Variants in OIP5 observed in about 807,000 individuals in gnomAD.
OIP5 encodes protein Mis18-beta.
A neutral mutation model predicts 20.3 loss-of-function variants in OIP5; 24 were observed. The ratio of observed to expected loss-of-function variants is 1.18; its 90% CI spans 0.86 to 1.66. The LOEUF is 1.66. OIP5 is among the 40% of genes most tolerant of loss of function. The pLI, the probability that OIP5 is intolerant of heterozygous loss-of-function variation, is 0.00. For synonymous variants in OIP5, 143 were observed against 121.3 expected (o/e 1.18, Z -1.17); for missense variants, 339 against 289.5 (o/e 1.17, Z -1.24).
rs545947221 is a variant in OIP5, at chr15:41,321,990, GA to G, written c.390-2211del. Among the ~76,000 whole-genome samples the G allele has an allele frequency of 3.0e-3, 456 of 151,640 alleles. 1 individual carries two copies. Among genetic ancestry groups the G allele is most frequent in the Admixed American group, 6.6e-3 (100 of 15,206 alleles). Reference sequence around the variant, plus strand: ...CGCAGACTAAAAGAGAAAGAAAAGGGAATCCTATTACCCTAGCAAGCCATCT... The same window carrying G: ...CGCAGACTAAAAGAGAAAGAAAAGGGATCCTATTACCCTAGCAAGCCATCT... On this transcript the variant is annotated intron_variant, in intron 2 of 4. Coordinates refer to ENST00000220514, the MANE Select transcript of OIP5 (RefSeq NM_007280.2).
intron 3 of OIP5, among the ~76,000 whole-genome samples, chr15:41,316,472 A>C (rs1348533713): frequency 1.3e-5 from 2 of 152,110 alleles, no homozygotes; most frequent in African/African-American, 2.4e-5. Context: ...AACTCAGCTA[A>C]AAACATCTAT....
At chr15:41,321,910 G>A (rs2140463388) in intron 2 of OIP5, among the ~76,000 whole-genome samples, 1 of 142,812 alleles carries the variant, frequency 7.0e-6, no homozygotes, top group Non-Finnish European at 1.5e-5. Flanking sequence ...AAACACCCAA[G>A]AATGATCAAT....
At position 41,309,769 on chromosome 15, in the gene OIP5, G is replaced by C; in HGVS notation, c.675C>G (p.Ser225=). 1 of 1,613,002 alleles carries C rather than the reference G, an allele frequency of 6.2e-7. No individual in the cohort carries two copies. ...TGGTACAGGATCAGTTTTCTGGCTTGGACTGGTCAGGAGTCACTTCACTCA... is the reference window on the plus strand; with the variant it reads ...TGGTACAGGATCAGTTTTCTGGCTTCGACTGGTCAGGAGTCACTTCACTCA... ...KILSEVTPDQ[S]KPEN Residue 225 remains serine, a synonymous_variant, in exon 5 of 5, where the codon TCC becomes TCG. Coordinates refer to ENST00000220514, the MANE Select transcript of OIP5 (RefSeq NM_007280.2).
chr15:41,321,240 G>C (rs1323907374), intron 2 of OIP5, among the ~76,000 whole-genome samples: 1 of 147,620 alleles, frequency 6.8e-6, no homozygotes, highest in Non-Finnish European at 1.5e-5. Context: ...GCCCCGTCCG[G>C]GAGGGAGGTG....
intron 4 of OIP5, among the ~76,000 whole-genome samples, chr15:41,310,122 AAGTGCTGGAATTAC>A (rs1326653507): frequency 1.3e-5 from 2 of 152,100 alleles, no homozygotes; most frequent in Non-Finnish European, 2.9e-5. Context: ...GATCCTCCCA[AAGTGCTGGAATTAC>A]AGACATGAGC....
intron 2 of OIP5, among the ~76,000 whole-genome samples, chr15:41,328,960 G>A (rs895393464): frequency 2.0e-5 from 3 of 150,842 alleles, no homozygotes; most frequent in Non-Finnish European, 4.4e-5. Context: ...CAGCTACTCG[G>A]GAGGCTGAGG....
At chr15:41,319,091 GAC>G (rs2047806048) in intron 3 of OIP5, among the ~76,000 whole-genome samples, 2 of 147,366 alleles carry the variant, frequency 1.4e-5, no homozygotes, top group African/African-American at 5.0e-5. Context: ...TTTTTTTTGA[GAC>G]AGAGTCTTGT....
chr15:41,327,289 C>T (rs973717996), intron 2 of OIP5, among the ~76,000 whole-genome samples: 1 of 151,692 alleles, frequency 6.6e-6, no homozygotes, highest in African/African-American at 2.4e-5. Flanking sequence ...TCAAGCGATT[C>T]TCCTGCCTCA....
intron 4 of OIP5, among the ~76,000 whole-genome samples, chr15:41,310,555 G>A (rs1056068233): frequency 6.6e-6 from 1 of 151,938 alleles, no homozygotes; most frequent in Admixed American, 6.6e-5. Flanking sequence ...AGTGAACCCA[G>A]GAGGCAGAGC....
chr15:41,314,556 C>CT (rs2047778385), intron 3 of OIP5, among the ~76,000 whole-genome samples: 1 of 151,776 alleles, frequency 6.6e-6, no homozygotes, highest in South Asian at 2.1e-4. Context: ...AATCCCAGCA[C>CT]TTTGGGAGGC....
chr15:41,313,689 G>A (rs1016073583), intron 3 of OIP5, among the ~76,000 whole-genome samples: 5 of 151,996 alleles, frequency 3.3e-5, no homozygotes, highest in Admixed American at 2.6e-4. Context: ...TTTACATTAC[G>A]TTAGCTGTCA....
intron 3 of OIP5, among the ~76,000 whole-genome samples, chr15:41,316,517 C>T (rs1439869139): frequency 2.0e-5 from 3 of 152,054 alleles, no homozygotes; most frequent in East Asian, 1.9e-4. Context: ...CGGCCGGGCG[C>T]GGTGGCTCAT....
rs2047920898 is a variant in OIP5, at chr15:41,331,895, A to G, written c.389+20T>C. On this transcript the variant is annotated intron_variant, in intron 2 of 4. Transcript: ENST00000220514. ...TCATAAAGTCAGGGACTAGAGACCAATGTAATTATCAATACGTACCTGCCT... is the reference window on the plus strand; with the variant it reads ...TCATAAAGTCAGGGACTAGAGACCAGTGTAATTATCAATACGTACCTGCCT... 6.2e-7 allele frequency: 1 copy of G among 1,606,246 alleles called. No homozygotes were observed. Among genetic ancestry groups the G allele is most frequent in the Non-Finnish European group, 8.5e-7 (1 of 1,172,838 alleles).
At chr15:41,329,964 T>C (rs1387017687) in intron 2 of OIP5, among the ~76,000 whole-genome samples, 1 of 152,210 alleles carries the variant, frequency 6.6e-6, no homozygotes, top group East Asian at 1.9e-4. Flanking sequence ...CCCAAAGTGC[T>C]GGGATTACAT....
chr15:41,330,767 T>C (rs929952764), intron 2 of OIP5, among the ~76,000 whole-genome samples: 3 of 152,214 alleles, frequency 2.0e-5, no homozygotes, highest in African/African-American at 7.2e-5. Flanking sequence ...GTGTGTATTC[T>C]GTGTTCACAG....
intron 3 of OIP5, among the ~76,000 whole-genome samples, chr15:41,318,571 C>G (rs985039356): frequency 6.6e-6 from 1 of 152,154 alleles, no homozygotes; most frequent in Non-Finnish European, 1.5e-5. Flanking sequence ...GCTAGAATTA[C>G]AGGCACACAC....
intron 3 of OIP5, among the ~76,000 whole-genome samples, chr15:41,316,045 G>A (rs571985125): frequency 2.6e-5 from 4 of 152,090 alleles, no homozygotes; most frequent in East Asian, 1.9e-4. Context: ...GGACAATGGC[G>A]TGAACCTGGG....
chr15:41,324,463 T>A (rs1001574776), intron 2 of OIP5, among the ~76,000 whole-genome samples: 2 of 152,136 alleles, frequency 1.3e-5, no homozygotes, highest in Non-Finnish European at 2.9e-5. Context: ...AGCTTATCAC[T>A]GGAATAGCAC....
At position 41,318,410 on chromosome 15, in the gene OIP5, C is replaced by T. The variant is rs190614244; in HGVS notation, c.512+1248G>A. 5.8e-3 allele frequency among the ~76,000 whole-genome samples: 879 copies of T among 152,228 alleles called. 7 individuals are homozygous for T. Among genetic ancestry groups the T allele is most frequent in the Middle Eastern group, 0.027 (8 of 294 alleles). ...CTCCTGACCTCAGGTGAACCCCCGA[C>T]CTCAGCCTCCCAAAGTGCTGGGATT... On this transcript the variant is annotated intron_variant, in intron 3 of 4. Transcript: ENST00000220514.
Sources: gnomAD v4.1 joint callset for allele counts (sites outside exome capture counted in the v4.1 genomes callset) on GRCh38, gnomAD v4.1.1 for gene constraint, MANE v1.5 for transcripts, NCBI Gene and HGNC (gene_info 2026-07-23, HGNC 2026-07-21) for gene names.